Variants in ELF2 observed in about 807,000 individuals in gnomAD.
ELF2 encodes E74 like ETS transcription factor 2.
Under a neutral mutation model 54.8 loss-of-function variants are expected in ELF2, and 11 were observed. The observed-to-expected ratio is 0.20, with a 90% confidence interval of 0.13 to 0.33. The LOEUF (loss-of-function observed/expected upper bound fraction) is 0.33, where lower values mean the gene tolerates loss of function less well. Ranked by LOEUF, ELF2 falls within the 10% of genes least tolerant of loss-of-function variation. ELF2 has a pLI of 1.00. For synonymous variants in ELF2, 203 were observed against 245.1 expected (o/e 0.83, Z 1.61); for missense variants, 513 against 703.0 (o/e 0.73, Z 3.06).
intron 1 of ELF2, among the ~76,000 whole-genome samples, chr4:139,152,020 G>A (rs1740051072): frequency 6.6e-6 from 1 of 152,098 alleles, no homozygotes. Context: ...CTATTTATAT[G>A]ACATTCAAGA....
intron 4 of ELF2, among the ~76,000 whole-genome samples, chr4:139,077,968 T>C (rs140437303): frequency 1.4e-3 from 212 of 152,336 alleles, no homozygotes; most frequent in African/African-American, 4.9e-3. Context: ...CAATCCCCCT[T>C]GAAATAAATT....
intron 4 of ELF2, among the ~76,000 whole-genome samples, chr4:139,087,487 A>G (rs1428128823): frequency 1.3e-5 from 2 of 152,056 alleles, no homozygotes; most frequent in African/African-American, 2.4e-5. Flanking sequence ...TTGTTTTGAG[A>G]CAGAGTCTCG....
At chr4:139,076,593 C>T (rs944557218) in intron 4 of ELF2, among the ~76,000 whole-genome samples, 34 of 152,186 alleles carry the variant, frequency 2.2e-4, no homozygotes, top group African/African-American at 8.2e-4. Context: ...TGTATTAAGA[C>T]ACACCCTAAA....
intron 3 of ELF2, among the ~76,000 whole-genome samples, chr4:139,129,231 C>A (rs1737253154): frequency 6.6e-6 from 1 of 152,166 alleles, no homozygotes; most frequent in African/African-American, 2.4e-5. Flanking sequence ...AGCGACTACC[C>A]CCGGCCTACC....
intron 1 of ELF2, among the ~76,000 whole-genome samples, chr4:139,139,746 T>C (rs1458068079): frequency 2.6e-5 from 4 of 152,168 alleles, no homozygotes; most frequent in East Asian, 1.9e-4. Context: ...AATCAACGTA[T>C]GAAGCCTATG....
intron 1 of ELF2, among the ~76,000 whole-genome samples, chr4:139,169,300 A>T (rs1221665259): frequency 6.7e-6 from 1 of 150,250 alleles, no homozygotes; most frequent in Non-Finnish European, 1.5e-5. Context: ...GCAAGCCGAG[A>T]TCGCACCACT....
chr4:139,106,168 T>C (rs1413501000), intron 4 of ELF2, among the ~76,000 whole-genome samples: 1 of 152,216 alleles, frequency 6.6e-6, no homozygotes, highest in Non-Finnish European at 1.5e-5. Flanking sequence ...ATATTAAATG[T>C]TCAGCCAAAG....
intron 1 of ELF2, among the ~76,000 whole-genome samples, chr4:139,173,752 C>T (rs1405061700): frequency 3.1e-5 from 4 of 130,396 alleles, no homozygotes; most frequent in South Asian, 2.4e-4. Flanking sequence ...AGCGAGACTC[C>T]GTCTCAAAAA....
At chr4:139,133,295 C>T (rs754060702) in intron 3 of ELF2, among the ~76,000 whole-genome samples, 7 of 152,122 alleles carry the variant, frequency 4.6e-5, no homozygotes, top group Non-Finnish European at 7.4e-5. Context: ...GTATCACTCT[C>T]ATCAATTTTC....
intron 4 of ELF2, among the ~76,000 whole-genome samples, chr4:139,089,222 T>G (rs1197204408): frequency 6.6e-6 from 1 of 152,242 alleles, no homozygotes; most frequent in Non-Finnish European, 1.5e-5. Flanking sequence ...TTTCATTTAT[T>G]TATCAATAAC....
Position 139,082,983 on chromosome 4 carries a change from C to T in ELF2, c.239-9416G>A, listed in dbSNP as rs1731342314. On this transcript the variant is annotated intron_variant, in intron 4 of 9. Coordinates refer to ENST00000686138, the MANE Select transcript of ELF2 (RefSeq NM_001331036.3). ...CTGCGGCCACTTCCGTGTTTACACT[C>T]CTCTTCCCTCCAATTCCATGCGTAC... 3.3e-5 allele frequency among the ~76,000 whole-genome samples: 5 copies of T among 152,190 alleles called. No homozygotes were observed. In the South Asian group the frequency reaches 1.0e-3, roughly 32 times the overall value.
chr4:139,068,579 T>TA (rs1370701078), intron 6 of ELF2, among the ~76,000 whole-genome samples: 1 of 152,086 alleles, frequency 6.6e-6, no homozygotes, highest in Non-Finnish European at 1.5e-5. Context: ...ATCACAAGGC[T>TA]AAAAAAAACT....
intron 4 of ELF2, chr4:139,084,381 G>A: frequency 6.9e-7 from 1 of 1,455,242 alleles, no homozygotes; most frequent in Non-Finnish European, 9.1e-7. Flanking sequence ...CCCGCCTCCC[G>A]CCGCCGGGCT....
At chr4:139,093,128 G>T (rs1398886178) in intron 4 of ELF2, among the ~76,000 whole-genome samples, 1 of 151,818 alleles carries the variant, frequency 6.6e-6, no homozygotes, top group Non-Finnish European at 1.5e-5. Context: ...ACCACGCCCG[G>T]CTAATTTTTT....
intron 2 of ELF2, among the ~76,000 whole-genome samples, 152 bp downstream of exon 2, chr4:139,139,261 C>T (rs1325871615): frequency 6.6e-6 from 1 of 152,042 alleles, no homozygotes; most frequent in Non-Finnish European, 1.5e-5. Context: ...TACTATTAGC[C>T]TCCCTTTTGA....
At chr4:139,096,470 A>C (rs1488034211) in intron 4 of ELF2, among the ~76,000 whole-genome samples, 1 of 151,884 alleles carries the variant, frequency 6.6e-6, no homozygotes, top group Non-Finnish European at 1.5e-5. Flanking sequence ...CTTATAAATT[A>C]GTTTTGTTTT....
chr4:139,160,786 A>T (rs1741052795), intron 1 of ELF2, among the ~76,000 whole-genome samples: 1 of 151,992 alleles, frequency 6.6e-6, no homozygotes, highest in South Asian at 2.1e-4. Flanking sequence ...AACATGCTGA[A>T]ACCCCGACTC....
At chr4:139,068,929 A>G (rs1440250786) in intron 6 of ELF2, among the ~76,000 whole-genome samples, 2 of 151,760 alleles carry the variant, frequency 1.3e-5, no homozygotes, top group Non-Finnish European at 2.9e-5. Flanking sequence ...CCCAGACTGG[A>G]GCGCAGTGAC....
At chr4:139,142,918 T>C (rs1738856362) in intron 1 of ELF2, among the ~76,000 whole-genome samples, 1 of 151,328 alleles carries the variant, frequency 6.6e-6, no homozygotes, top group Non-Finnish European at 1.5e-5. Context: ...GATAAAAGGA[T>C]GACATTTGCA....
Sources: allele counts gnomAD v4.1 joint callset (sites outside exome capture counted in the v4.1 genomes callset), GRCh38; gene constraint gnomAD v4.1.1; transcripts MANE v1.5; gene names NCBI Gene and HGNC (gene_info 2026-07-23, HGNC 2026-07-21).